The following DOK6 variants were observed in gnomAD, a reference collection of about 807,000 sequenced individuals.
DOK6 encodes the protein downstream of tyrosine kinase 6.
DOK6 carries 22 observed loss-of-function variants against 44.0 expected under a neutral mutation model. That is an observed-to-expected ratio of 0.50 (90% confidence interval 0.36 to 0.71). The LOEUF (loss-of-function observed/expected upper bound fraction) is 0.71, where lower values mean the gene tolerates loss of function less well. Ranked by LOEUF, DOK6 falls within the 30% of genes least tolerant of loss-of-function variation. The pLI is 0.00. For missense variants in DOK6, 340 were observed against 416.4 expected (o/e 0.82, Z 1.60); for synonymous variants, 166 against 145.5 (o/e 1.14, Z -1.01).
intron 7 of DOK6, among the ~76,000 whole-genome samples, chr18:69,762,409 A>G (rs912689989): frequency 6.6e-6 from 1 of 152,184 alleles, no homozygotes; most frequent in African/African-American, 2.4e-5. Context: ...TTGAAGTGGC[A>G]TTACCTCTTC....
intron 5 of DOK6, among the ~76,000 whole-genome samples, chr18:69,712,902 A>C (rs1006826535): frequency 6.6e-6 from 1 of 152,222 alleles, no homozygotes. Context: ...CCAGTAAATG[A>C]AGTGCTAAAT....
chr18:69,815,501 A>G (rs1291698846), intron 7 of DOK6, among the ~76,000 whole-genome samples: 1 of 152,216 alleles, frequency 6.6e-6, no homozygotes, highest in Non-Finnish European at 1.5e-5. Context: ...TGCAGTGTCA[A>G]CGTGATTAGT....
At chr18:69,435,084 AAGGAAG>A (rs1978937864) in intron 1 of DOK6, among the ~76,000 whole-genome samples, 2 of 150,964 alleles carry the variant, frequency 1.3e-5, no homozygotes, top group African/African-American at 2.4e-5. Flanking sequence ...GGAAGGAAGG[AAGGAAG>A]GAAAGAAGGA....
intron 1 of DOK6, among the ~76,000 whole-genome samples, chr18:69,501,779 C>G (rs996397863): frequency 1.3e-5 from 2 of 151,996 alleles, no homozygotes; most frequent in East Asian, 3.8e-4. Context: ...CCCACTGAGA[C>G]ACAGGGATGA....
At chr18:69,748,439 T>A (rs1979060938) in intron 6 of DOK6, among the ~76,000 whole-genome samples, 1 of 152,060 alleles carries the variant, frequency 6.6e-6, no homozygotes, top group Non-Finnish European at 1.5e-5. Flanking sequence ...CTTGGCACCA[T>A]GGCACTTACT....
chr18:69,709,436 T>C (rs1986708854), intron 5 of DOK6, among the ~76,000 whole-genome samples: 1 of 152,216 alleles, frequency 6.6e-6, no homozygotes, highest in Non-Finnish European at 1.5e-5. Context: ...TGTTGATAGA[T>C]GTGGATTCAA....
chr18:69,795,161 A>G (rs1980708525), intron 7 of DOK6, among the ~76,000 whole-genome samples: 1 of 152,256 alleles, frequency 6.6e-6, no homozygotes, highest in Admixed American at 6.5e-5. Flanking sequence ...AGTTTCATTT[A>G]CAATAACTCC....
At chr18:69,670,523 T>TA (rs1985771751) in intron 3 of DOK6, among the ~76,000 whole-genome samples, 2 of 151,412 alleles carry the variant, frequency 1.3e-5, no homozygotes, top group South Asian at 4.2e-4. Flanking sequence ...TTTTTTTTTT[T>TA]TTTTTGAGTC....
intron 1 of DOK6, among the ~76,000 whole-genome samples, chr18:69,431,728 C>T (rs1330181986): frequency 6.6e-6 from 1 of 152,140 alleles, no homozygotes; most frequent in African/African-American, 2.4e-5. Context: ...TGTTTAATTA[C>T]TGCCTACTGT....
intron 6 of DOK6, among the ~76,000 whole-genome samples, chr18:69,748,074 A>G (rs1303519534): frequency 6.6e-6 from 1 of 152,178 alleles, no homozygotes; most frequent in Non-Finnish European, 1.5e-5. Context: ...ATTGAAAACA[A>G]AAAAGCAGGG....
chr18:69,464,378 A>G (rs922872679), intron 1 of DOK6, among the ~76,000 whole-genome samples: 2 of 152,180 alleles, frequency 1.3e-5, no homozygotes, highest in African/African-American at 4.8e-5. Context: ...ATTAGGGTCC[A>G]CTTTCCTCTT....
chr18:69,754,729 TG>T (rs1979300273), intron 6 of DOK6, among the ~76,000 whole-genome samples: 1 of 152,246 alleles, frequency 6.6e-6, no homozygotes. Flanking sequence ...TTTATCCCTG[TG>T]TCTCTTCCTC....
chr18:69,607,391 G>A (rs1156882841), intron 3 of DOK6, among the ~76,000 whole-genome samples: 2 of 151,946 alleles, frequency 1.3e-5, no homozygotes, highest in African/African-American at 4.8e-5. Context: ...AAAAGCTACA[G>A]CAATATACCA....
intron 7 of DOK6, among the ~76,000 whole-genome samples, chr18:69,768,798 CTT>C (rs1436653516): frequency 1.3e-5 from 2 of 151,800 alleles, no homozygotes; most frequent in Admixed American, 1.3e-4. Context: ...TGAAGAACCT[CTT>C]TGAAAGTTCT....
chr18:69,740,747 C>G (rs918914810), intron 6 of DOK6, among the ~76,000 whole-genome samples: 2 of 152,198 alleles, frequency 1.3e-5, no homozygotes, highest in African/African-American at 4.8e-5. Context: ...TCTGCGCATT[C>G]ATCTACATAA....
chr18:69,401,371 G>GT (rs1916095395), intron 1 of DOK6, 61 bp downstream of exon 1: 12 of 1,291,104 alleles, frequency 9.3e-6, no homozygotes, highest in South Asian at 1.6e-5. Flanking sequence ...TGGCTGCCTG[G>GT]GGGGGGGGCA....
rs187030270 is a variant in DOK6, at chr18:69,803,718, G to A, written c.857-37526G>A. Among the ~76,000 whole-genome samples the A allele has an allele frequency of 2.9e-3, 434 of 152,240 alleles. 2 individuals are homozygous for A. The highest frequency in any genetic ancestry group is 9.9e-3 in the African/African-American group (412 of 41,538). ...TCTACTAAAAATACAAAAAAGCCGA[G>A]TGTGGTGGTGGACGCCTGTAGTCCC... On this transcript the variant is annotated intron_variant, in intron 7 of 7. Transcript: ENST00000382713.
At chr18:69,677,331 G>GTA (rs984004874) in intron 3 of DOK6, among the ~76,000 whole-genome samples, 1 of 146,896 alleles carries the variant, frequency 6.8e-6, no homozygotes, top group Non-Finnish European at 1.5e-5. Flanking sequence ...ATGTTTTGAA[G>GTA]TATATATATG....
chr18:69,580,422 C>T (rs947436780), intron 2 of DOK6, among the ~76,000 whole-genome samples: 6 of 152,288 alleles, frequency 3.9e-5, no homozygotes, highest in African/African-American at 1.4e-4. Flanking sequence ...CTCTGACTTC[C>T]GTTTCAGTGA....
Sources: allele counts gnomAD v4.1 joint callset (sites outside exome capture counted in the v4.1 genomes callset), GRCh38; gene constraint gnomAD v4.1.1; transcripts MANE v1.5; gene names NCBI Gene and HGNC (gene_info 2026-07-23, HGNC 2026-07-21).